PHF14: variants seen among roughly 807,000 people sequenced by gnomAD.
PHF14 encodes PHD finger protein 14.
PHF14 carries 55 observed loss-of-function variants against 117.9 expected under a neutral mutation model. That is an observed-to-expected ratio of 0.47 (90% CI 0.38 to 0.58). PHF14 has a LOEUF of 0.58. Ranked by LOEUF, PHF14 falls within the 20% of genes least tolerant of loss-of-function variation. PHF14 has a pLI of 0.00. For synonymous variants in PHF14, 409 were observed against 368.6 expected (o/e 1.11, Z -1.26); for missense variants, 978 against 1,122.2 (o/e 0.87, Z 1.84).
chr7:11,016,136 A>G (rs1262364972), intron 5 of PHF14, among the ~76,000 whole-genome samples: 1 of 151,898 alleles, frequency 6.6e-6, no homozygotes, highest in Non-Finnish European at 1.5e-5. Flanking sequence ...ATAAGTAGAC[A>G]CCTCCTGTGA....
At chr7:10,974,697 C>T in intron 1 of PHF14, 138 bp from the exon 2 acceptor site, 1 of 619,086 alleles carries the variant, frequency 1.6e-6, no homozygotes, top group Non-Finnish European at 2.9e-6. Flanking sequence ...CCCCAACCTT[C>T]TCCTGACCCC....
intron 16 of PHF14, chr7:11,103,292 C>T: frequency 2.4e-6 from 2 of 849,498 alleles, no homozygotes; most frequent in Non-Finnish European, 2.8e-6. Context: ...CAAATATATT[C>T]AGTCCTTATT....
At chr7:11,099,906 T>C (rs564814927) in intron 16 of PHF14, among the ~76,000 whole-genome samples, 1 of 152,174 alleles carries the variant, frequency 6.6e-6, no homozygotes, top group South Asian at 2.1e-4. Context: ...ATGAGCTTTG[T>C]CAAGGATAGA....
At position 11,106,395 on chromosome 7, in the gene PHF14, T is replaced by A; in HGVS notation, c.2655-4955T>A. On this transcript the variant is annotated intron_variant, in intron 16 of 17. Transcript: ENST00000634607. The stretch of plus-strand genomic sequence containing the variant: ...CCACGTTAGTCTTATATTTGTGAAA[T>A]GATTAAAAACCATTTTCTAATTATT... 3.1e-6 allele frequency: 3 copies of A among 969,916 alleles called. No homozygotes were observed. In the South Asian group the frequency reaches 1.4e-4, roughly 46 times the overall value. The allele number at this position is 969,916 out of a possible 1,614,324, so 60.1% of individuals were successfully genotyped here.
chr7:11,009,371 T>G (rs1783255472), intron 4 of PHF14, among the ~76,000 whole-genome samples: 2 of 152,196 alleles, frequency 1.3e-5, no homozygotes. Context: ...AAACACATAT[T>G]TTTATTTTCT....
intron 16 of PHF14, among the ~76,000 whole-genome samples, chr7:11,083,663 ATC>A (rs1272983488): frequency 3.3e-5 from 5 of 151,804 alleles, no homozygotes; most frequent in African/African-American, 1.2e-4. Context: ...GGGTTTCACC[ATC>A]TTGGCCAGGC....
chr7:11,023,214 A>G (rs773909204), intron 6 of PHF14, among the ~76,000 whole-genome samples: 5 of 152,182 alleles, frequency 3.3e-5, no homozygotes, highest in Admixed American at 2.6e-4. Flanking sequence ...TGGTACTACT[A>G]CCATTTCCCT....
rs1006223557 is a variant in PHF14, at chr7:11,106,118, T to A, written c.2655-5232T>A. On this transcript the variant is annotated intron_variant, in intron 16 of 17. Transcript: ENST00000634607. ...ACCTTATTGTGTATTTTTATATGAA[T>A]TGTTTTGTCTCATCTTTCATTTTCT... 8.1e-6 allele frequency: 8 copies of A among 983,908 alleles called. No individual in the cohort carries two copies. The African/African-American group carries it at 1.4e-4, about 17-fold the overall frequency. 60.9% of individuals were successfully genotyped at this position (983,908 alleles called of 1,614,324 possible). A position where few individuals can be genotyped will look rare whatever the true frequency, so the allele number is the denominator to read the frequency against.
chr7:11,104,323 G>A (rs758343550), intron 16 of PHF14: 29 of 979,104 alleles, frequency 3.0e-5, no homozygotes, highest in Non-Finnish European at 3.4e-5. Context: ...ATAAGATATA[G>A]GTCCTGCAAA....
chr7:11,080,513 A>G (rs1786056052), intron 16 of PHF14, among the ~76,000 whole-genome samples: 1 of 152,112 alleles, frequency 6.6e-6, no homozygotes, highest in African/African-American at 2.4e-5. Flanking sequence ...AGTAGATTTT[A>G]TTGCTCTTTA....
chr7:11,123,264 A>G (rs1362564039), intron 17 of PHF14, among the ~76,000 whole-genome samples: 1 of 152,110 alleles, frequency 6.6e-6, no homozygotes, highest in Non-Finnish European at 1.5e-5. Flanking sequence ...TTTGCCTTTT[A>G]AAATATCCTT....
chr7:11,045,797 G>A (rs3823875), intron 13 of PHF14, among the ~76,000 whole-genome samples: 84,877 of 152,046 alleles, frequency 0.56, 25,661 homozygotes, highest in East Asian at 0.85. Context: ...ATAGGAGTCT[G>A]TTGAGAGGGA....
At chr7:11,145,757 G>A (rs1358504289) in intron 17 of PHF14, among the ~76,000 whole-genome samples, 1 of 152,004 alleles carries the variant, frequency 6.6e-6, no homozygotes, top group African/African-American at 2.4e-5. Flanking sequence ...TAGATACATG[G>A]AATATTATTA....
chr7:10,998,406 T>C (rs1782739725), intron 4 of PHF14, among the ~76,000 whole-genome samples: 1 of 152,114 alleles, frequency 6.6e-6, no homozygotes, highest in African/African-American at 2.4e-5. Flanking sequence ...TAAGGAAACA[T>C]ATACCTAAAA....
In PHF14 at chr7:11,048,532, A is replaced by G. The variant is rs559736457; in HGVS notation, c.2313-3080A>G. Among the ~76,000 whole-genome samples, 5 of 152,336 alleles carry G rather than the reference A, an allele frequency of 3.3e-5. No individual in the cohort carries two copies. In the East Asian group the frequency reaches 7.7e-4, roughly 24 times the overall value. On this transcript the variant is annotated intron_variant, in intron 13 of 17. Transcript: ENST00000634607. ...GTTACAGTGAGCCTTAGATCATGCCACTGCACTCCAGCCTTGGCAATAGTG... is the reference window on the plus strand; with the variant it reads ...GTTACAGTGAGCCTTAGATCATGCCGCTGCACTCCAGCCTTGGCAATAGTG...
rs376821126 is a variant in PHF14 at position 11,067,249 on chromosome 7, A to G, written c.2654+5164A>G. Among the ~76,000 whole-genome samples, 10 of 152,344 alleles carry G rather than the reference A, an allele frequency of 6.6e-5. No homozygotes were observed. In the East Asian group the frequency reaches 1.7e-3, roughly 26 times the overall value. On this transcript the variant is annotated intron_variant, in intron 16 of 17. Coordinates refer to ENST00000634607, the MANE Select transcript of PHF14 (RefSeq NM_001007157.2). ...CATTCAGGAAGAGTAAATCGAAACC[A>G]CAGTGAGATACCACCTCACACCCAT...
chr7:11,007,890 T>C (rs1243571614), intron 4 of PHF14, among the ~76,000 whole-genome samples: 1 of 152,222 alleles, frequency 6.6e-6, no homozygotes, highest in African/African-American at 2.4e-5. Flanking sequence ...AATTTATAAT[T>C]GTTTACTGTA....
At position 11,138,654 on chromosome 7, in the gene PHF14, G is replaced by A. The variant is rs140500781; in HGVS notation, c.2772+27187G>A. Among the ~76,000 whole-genome samples, 1,162 of 152,218 alleles carry A rather than the reference G, an allele frequency of 7.6e-3. 17 individuals carry two copies. The highest frequency in any genetic ancestry group is 0.027 in the African/African-American group (1,111 of 41,550). ...ATACTTAACAAATATTTTAATTTCT[G>A]ATATTTATCTCACTTGCATATCATT... On this transcript the variant is annotated intron_variant, in intron 17 of 17. Coordinates refer to ENST00000634607, the MANE Select transcript of PHF14 (RefSeq NM_001007157.2).
chr7:11,079,531 C>CT (rs906011415), intron 16 of PHF14, among the ~76,000 whole-genome samples: 7 of 152,038 alleles, frequency 4.6e-5, no homozygotes, highest in South Asian at 2.1e-4. Flanking sequence ...TTTCCTATTA[C>CT]TTTTTTTGAC....
Sources: allele counts gnomAD v4.1 joint callset (sites outside exome capture counted in the v4.1 genomes callset), GRCh38; gene constraint gnomAD v4.1.1; transcripts MANE v1.5; gene names NCBI Gene and HGNC (gene_info 2026-07-23, HGNC 2026-07-21).